GALNT13: variants seen among roughly 807,000 people sequenced by gnomAD.
GALNT13 encodes the protein UDP-GalNAc:polypeptide N-acetylgalactosaminyltransferase 13.
In GALNT13, 28 loss-of-function variants were observed where a neutral mutation model predicts 64.2. That is an observed-to-expected ratio of 0.44 (90% confidence interval 0.32 to 0.60). The LOEUF is 0.60. Among genes scored for constraint, GALNT13 ranks in the 20% least tolerant of loss-of-function variants. GALNT13 has a pLI of 0.05. For synonymous variants in GALNT13, 214 were observed against 224.6 expected (o/e 0.95, Z 0.42); for missense variants, 577 against 669.8 (o/e 0.86, Z 1.53).
At chr2:153,466,868 C>T in the GALNT13 span, among the ~76,000 whole-genome samples, 1 of 152,084 alleles carries the variant, frequency 6.6e-6, no homozygotes, top group African/African-American at 2.4e-5. Flanking sequence ...TATCCCTCTG[C>T]ACTCCAATTT....
the GALNT13 span, among the ~76,000 whole-genome samples, chr2:153,322,345 G>A: frequency 6.6e-6 from 1 of 151,952 alleles, no homozygotes; most frequent in African/African-American, 2.4e-5. Context: ...GCATGATTTT[G>A]TTCTTTTGTA....
At chr2:153,533,923 G>T in the GALNT13 span, among the ~76,000 whole-genome samples, 1 of 150,442 alleles carries the variant, frequency 6.6e-6, no homozygotes, top group Non-Finnish European at 1.5e-5. Context: ...TTTTTCTGGA[G>T]AACGGGGTCT....
chr2:154,251,415 G>C (rs1432040762), intron 7 of GALNT13, among the ~76,000 whole-genome samples: 1 of 152,142 alleles, frequency 6.6e-6, no homozygotes, highest in Non-Finnish European at 1.5e-5. Flanking sequence ...AGATGTTTAA[G>C]CACAAGTTTA....
At chr2:153,624,637 G>A in the GALNT13 span, among the ~76,000 whole-genome samples, 1 of 152,042 alleles carries the variant, frequency 6.6e-6, no homozygotes, top group Non-Finnish European at 1.5e-5. Flanking sequence ...TATAGTGTAA[G>A]AGAAACTTTT....
chr2:153,076,178 T>C, the GALNT13 span, among the ~76,000 whole-genome samples: 2 of 152,222 alleles, frequency 1.3e-5, no homozygotes, highest in Admixed American at 1.3e-4. Context: ...TGATTAATAG[T>C]GTCAGGTTCC....
chr2:154,132,686 G>C (rs924650948), intron 3 of GALNT13, among the ~76,000 whole-genome samples: 1 of 151,752 alleles, frequency 6.6e-6, no homozygotes, highest in East Asian at 1.9e-4. Context: ...AGGAGTTCAA[G>C]ACCAAGCTGG....
the GALNT13 span, among the ~76,000 whole-genome samples, chr2:153,653,710 A>T: frequency 1.3e-5 from 2 of 152,180 alleles, no homozygotes; most frequent in Admixed American, 1.3e-4. Flanking sequence ...AAATAACATC[A>T]TATCAAGTGG....
chr2:153,542,740 T>C, the GALNT13 span, among the ~76,000 whole-genome samples: 1 of 152,166 alleles, frequency 6.6e-6, no homozygotes, highest in African/African-American at 2.4e-5. Flanking sequence ...GTTGCATAGC[T>C]AGGCCTAGGA....
chr2:154,450,308 C>A, intron 12 of GALNT13, 103 bp from the exon 13 acceptor site: 2 of 990,302 alleles, frequency 2.0e-6, no homozygotes, highest in Non-Finnish European at 1.5e-6. Context: ...GTGTATTATA[C>A]TATAAAAATC....
chr2:153,246,685 G>A, the GALNT13 span, among the ~76,000 whole-genome samples: 1 of 152,170 alleles, frequency 6.6e-6, no homozygotes. Context: ...ACCAGCCACT[G>A]CAAAAACATC....
chr2:154,224,184 CAG>C (rs1413430854), intron 4 of GALNT13, among the ~76,000 whole-genome samples: 2 of 151,940 alleles, frequency 1.3e-5, no homozygotes, highest in Admixed American at 6.6e-5. Context: ...ATTCATAGGA[CAG>C]AAAATTTCTT....
intron 10 of GALNT13, among the ~76,000 whole-genome samples, chr2:154,398,175 G>A (rs1699142503): frequency 6.6e-6 from 1 of 152,164 alleles, no homozygotes; most frequent in Non-Finnish European, 1.5e-5. Flanking sequence ...GAGTTTTTCT[G>A]TTCTTCTTAT....
chr2:153,679,825 T>C, the GALNT13 span, among the ~76,000 whole-genome samples: 1 of 151,872 alleles, frequency 6.6e-6, no homozygotes, highest in Admixed American at 6.6e-5. Flanking sequence ...GTGCATTCTT[T>C]CTCCATTTTC....
At chr2:154,170,741 CTAAG>C (rs1685301848) in intron 4 of GALNT13, among the ~76,000 whole-genome samples, 1 of 152,138 alleles carries the variant, frequency 6.6e-6, no homozygotes, top group African/African-American at 2.4e-5. Flanking sequence ...GGAATAGCAC[CTAAG>C]TATTATTATA....
chr2:153,741,989 T>A, the GALNT13 span, among the ~76,000 whole-genome samples: 1 of 152,152 alleles, frequency 6.6e-6, no homozygotes, highest in African/African-American at 2.4e-5. Flanking sequence ...ATTAGAACAT[T>A]TGAAATTTGT....
At chr2:153,975,153 G>A (rs1693994395) in intron 3 of GALNT13, among the ~76,000 whole-genome samples, 1 of 152,036 alleles carries the variant, frequency 6.6e-6, no homozygotes, top group Non-Finnish European at 1.5e-5. Flanking sequence ...TGACATTAAT[G>A]TTTTTTAACC....
intron 4 of GALNT13, among the ~76,000 whole-genome samples, chr2:154,231,322 G>T (rs1378173963): frequency 6.6e-6 from 1 of 151,946 alleles, no homozygotes; most frequent in Non-Finnish European, 1.5e-5. Context: ...ATAATAATGT[G>T]TTTACTTTCT....
chr2:153,369,879 C>T, the GALNT13 span, among the ~76,000 whole-genome samples: 1 of 152,084 alleles, frequency 6.6e-6, no homozygotes, highest in African/African-American at 2.4e-5. Context: ...CTGTCCTGGC[C>T]AACAGCTCAA....
chr2:154,408,973 G>A lies in GALNT13; in HGVS notation c.1297-11G>A, dbSNP rs1249505494. ...ATGTTTTATCCCCCCCCTTTTGTGT[G>A]TTTCCTTTAGATAAGAAATGTTGAA... is the stretch of plus-strand genomic sequence containing the variant. On this transcript the variant is annotated splice_polypyrimidine_tract_variant and intron_variant, in intron 10 of 12. Coordinates refer to ENST00000392825, the MANE Select transcript of GALNT13 (RefSeq NM_052917.4). 2 of 1,564,552 alleles carry A rather than the reference G, an allele frequency of 1.3e-6. No individual in the cohort carries two copies. Among genetic ancestry groups the A allele is most frequent in the South Asian group, 1.1e-5 (1 of 89,646 alleles).
Sources: allele counts gnomAD v4.1 joint callset (sites outside exome capture counted in the v4.1 genomes callset), GRCh38; gene constraint gnomAD v4.1.1; transcripts MANE v1.5; gene names NCBI Gene and HGNC (gene_info 2026-07-23, HGNC 2026-07-21).